ZNF367: variants seen among roughly 807,000 people sequenced by gnomAD.
ZNF367 encodes C2H2 zinc finger protein ZFF29.
In ZNF367, 11 loss-of-function variants were observed where a neutral mutation model predicts 31.8. The ratio of observed to expected loss-of-function variants is 0.35; its 90% CI spans 0.22 to 0.57. ZNF367 has a LOEUF of 0.57. ZNF367 is among the 20% of genes least tolerant of loss of function. The pLI is 0.85. For missense variants in ZNF367, 353 were observed against 484.1 expected, an observed-to-expected ratio of 0.73 and a Z score of 2.54; for synonymous variants, 199 against 202.4, an observed-to-expected ratio of 0.98 and a Z score of 0.14.
rs148037563 is a variant in ZNF367, at chr9:96,403,223, C to T, written c.421-4909G>A. 1.9e-3 allele frequency among the ~76,000 whole-genome samples: 294 copies of T among 152,290 alleles called. 3 individuals carry two copies. Among genetic ancestry groups the T allele is most frequent in the African/African-American group, 6.9e-3 (286 of 41,560 alleles). Reference sequence around the variant, plus strand: ...GACCTCGTGATCCACCCGCCTTGGCCTCCCAAAGTGCTGGAATTACAAGCA... The same window carrying T: ...GACCTCGTGATCCACCCGCCTTGGCTTCCCAAAGTGCTGGAATTACAAGCA... On this transcript the variant is annotated intron_variant, in intron 1 of 4. Coordinates refer to ENST00000375256, the MANE Select transcript of ZNF367 (RefSeq NM_153695.4).
In ZNF367 at chr9:96,418,129, T is replaced by C; in HGVS notation, c.-97A>G. Reference sequence around the variant, plus strand: ...CTGCTCCGAGTCGCAGGCTCAGTCCTGCCGGCTCATGGCAGACTGACGTTT... The same window carrying C: ...CTGCTCCGAGTCGCAGGCTCAGTCCCGCCGGCTCATGGCAGACTGACGTTT... On this transcript the variant is annotated 5_prime_UTR_variant, in exon 1 of 5. Transcript: ENST00000375256. 7.8e-7 allele frequency: 1 copy of C among 1,276,142 alleles called. No homozygotes were observed. Among genetic ancestry groups the C allele is most frequent in the Non-Finnish European group, 9.9e-7 (1 of 1,010,244 alleles). 79.1% of individuals were successfully genotyped at this position (1,276,142 alleles called of 1,614,324 possible). A position where few individuals can be genotyped will look rare whatever the true frequency, so the allele number is the denominator to read the frequency against.
chr9:96,388,492 C>T (rs1831431150), intron 4 of ZNF367, 33 bp from the exon 5 acceptor site: 1 of 1,568,310 alleles, frequency 6.4e-7, no homozygotes, highest in Non-Finnish European at 8.6e-7. Flanking sequence ...AGTTACATGG[C>T]AGACATGAAA....
At chr9:96,396,667 TA>T (rs1199034963) in intron 2 of ZNF367, among the ~76,000 whole-genome samples, 15 of 151,022 alleles carry the variant, frequency 9.9e-5, no homozygotes, top group African/African-American at 3.7e-4. Flanking sequence ...AGAGGTGAAA[TA>T]AATTTTTTTT....
intron 1 of ZNF367, among the ~76,000 whole-genome samples, chr9:96,415,478 CATTTTTTTTTTTTTTTTTTTT>C (rs1831810617): frequency 1.5e-5 from 1 of 65,520 alleles, no homozygotes; most frequent in Non-Finnish European, 3.0e-5. Flanking sequence ...TTAGTTTCTT[CATTTTTTTTTTTTTTTTTTTT>C]TTTTTTTTTT....
At chr9:96,401,255 A>C (rs1443988940) in intron 1 of ZNF367, among the ~76,000 whole-genome samples, 7 of 152,032 alleles carry the variant, frequency 4.6e-5, no homozygotes, top group Admixed American at 4.6e-4. Context: ...CATCATGTAA[A>C]AGGGGTCCTC....
intron 2 of ZNF367, among the ~76,000 whole-genome samples, chr9:96,396,980 T>C (rs1273718938): frequency 6.6e-6 from 1 of 152,198 alleles, no homozygotes; most frequent in Non-Finnish European, 1.5e-5. Flanking sequence ...AAATTAATTT[T>C]AATAATGTAT....
intron 1 of ZNF367, among the ~76,000 whole-genome samples, chr9:96,405,225 G>A (rs911446741): frequency 6.6e-6 from 1 of 150,604 alleles, no homozygotes; most frequent in Non-Finnish European, 1.5e-5. Flanking sequence ...AGGAAGCTGA[G>A]GCAGGAGAAT....
intron 1 of ZNF367, chr9:96,407,860 C>T: frequency 3.3e-6 from 2 of 608,452 alleles, no homozygotes; most frequent in South Asian, 3.6e-5. Flanking sequence ...CCCGCCTTAG[C>T]CTCCCAAAGT....
At chr9:96,415,273 T>A (rs936320827) in intron 1 of ZNF367, among the ~76,000 whole-genome samples, 3 of 148,754 alleles carry the variant, frequency 2.0e-5, no homozygotes, top group African/African-American at 7.5e-5. Flanking sequence ...TTCACCGTGT[T>A]AGCCAGGATG....
intron 2 of ZNF367, among the ~76,000 whole-genome samples, chr9:96,395,767 T>C (rs934161996): frequency 2.6e-5 from 4 of 152,228 alleles, no homozygotes; most frequent in African/African-American, 9.6e-5. Context: ...TTATGTGTCA[T>C]GGTAGTCTCC....
chr9:96,396,116 C>T (rs764621194), intron 2 of ZNF367, among the ~76,000 whole-genome samples: 1 of 152,158 alleles, frequency 6.6e-6, no homozygotes, highest in Non-Finnish European at 1.5e-5. Context: ...AGGGATCCTC[C>T]TTTCAGTTCC....
rs1349768974 is a variant in ZNF367 at position 96,388,211 on chromosome 9, G to C, written c.*26C>G. 1 of 1,593,176 alleles carries C rather than the reference G, an allele frequency of 6.3e-7. No homozygotes were observed. Among genetic ancestry groups the C allele is most frequent in the Admixed American group, 1.8e-5 (1 of 57,088 alleles). ...TTTAAGTATGCTGGGCAGTACTTTT[G>C]TACAGTGGAAGAGTCAGTGTCCAAG... On this transcript the variant is annotated 3_prime_UTR_variant, in exon 5 of 5. Transcript: ENST00000375256.
intron 1 of ZNF367, among the ~76,000 whole-genome samples, chr9:96,410,354 G>A (rs1444409513): frequency 6.6e-6 from 1 of 151,304 alleles, no homozygotes; most frequent in East Asian, 1.9e-4. Context: ...GCGGTCAGGA[G>A]ATCGAGACCA....
At chr9:96,390,124 T>C (rs941678155) in intron 4 of ZNF367, among the ~76,000 whole-genome samples, 3 of 151,868 alleles carry the variant, frequency 2.0e-5, no homozygotes, top group African/African-American at 7.3e-5. Context: ...CAGGCTGATC[T>C]TGAACTCCTG....
intron 1 of ZNF367, among the ~76,000 whole-genome samples, chr9:96,408,423 C>T (rs1831699725): frequency 6.6e-6 from 1 of 152,156 alleles, no homozygotes; most frequent in Non-Finnish European, 1.5e-5. Flanking sequence ...GTGTTAGTAA[C>T]AATGGAAAAC....
chr9:96,414,167 C>G (rs1831787665), intron 1 of ZNF367, among the ~76,000 whole-genome samples: 1 of 152,140 alleles, frequency 6.6e-6, no homozygotes, highest in African/African-American at 2.4e-5. Flanking sequence ...TTCTTGCCCC[C>G]ACAAAGCTTA....
At chr9:96,401,152 G>A (rs944860754) in intron 1 of ZNF367, among the ~76,000 whole-genome samples, 27 of 152,178 alleles carry the variant, frequency 1.8e-4, no homozygotes, top group African/African-American at 6.5e-4. Flanking sequence ...GCTGAGCCTG[G>A]GAGGTCAAGG....
At chr9:96,388,995 TA>T (rs1177193363) in intron 4 of ZNF367, among the ~76,000 whole-genome samples, 1 of 152,194 alleles carries the variant, frequency 6.6e-6, no homozygotes, top group East Asian at 1.9e-4. Flanking sequence ...AACTCTTTGG[TA>T]ACTAAAGAAA....
intron 2 of ZNF367, 151 bp downstream of exon 2, chr9:96,398,013 C>T (rs1348600016): frequency 1.6e-5 from 10 of 639,634 alleles, no homozygotes; most frequent in African/African-American, 2.0e-5. Flanking sequence ...TTGCTTGAAC[C>T]CAGGAGGCGG....
Sources: allele counts gnomAD v4.1 joint callset (sites outside exome capture counted in the v4.1 genomes callset), GRCh38; gene constraint gnomAD v4.1.1; transcripts MANE v1.5; gene names NCBI Gene and HGNC (gene_info 2026-07-23, HGNC 2026-07-21).